The following ARRB1 variants were observed in gnomAD, a reference collection of about 807,000 sequenced individuals.
ARRB1 encodes the protein beta-arrestin-1.
A neutral mutation model predicts 56.8 loss-of-function variants in ARRB1; 21 were observed. That is an observed-to-expected ratio of 0.37 (90% confidence interval 0.26 to 0.53). The LOEUF (loss-of-function observed/expected upper bound fraction) is 0.53. Among genes scored for constraint, ARRB1 ranks in the 20% least tolerant of loss-of-function variants. ARRB1 has a pLI of 0.88. For missense variants in ARRB1, 424 were observed against 553.7 expected (o/e 0.77, Z 2.35); for synonymous variants, 210 against 218.6 (o/e 0.96, Z 0.35).
chr11:75,273,128 G>A, intron 11 of ARRB1, 150 bp from the exon 12 acceptor site: 1 of 665,098 alleles, frequency 1.5e-6, no homozygotes, highest in Non-Finnish European at 2.7e-6. Flanking sequence ...TGGAGATGAG[G>A]AAGGCGAGCA....
At chr11:75,324,495 G>C (rs1384207851) in intron 1 of ARRB1, among the ~76,000 whole-genome samples, 3 of 152,174 alleles carry the variant, frequency 2.0e-5, no homozygotes, top group African/African-American at 7.2e-5. Context: ...CTGGCACCGA[G>C]GAGGCACTAG....
chr11:75,280,152 T>G (rs1389597806), intron 7 of ARRB1, among the ~76,000 whole-genome samples: 1 of 152,196 alleles, frequency 6.6e-6, no homozygotes, highest in Non-Finnish European at 1.5e-5. Flanking sequence ...TGGCTCTCGA[T>G]GTCACCTCCT....
chr11:75,330,503 T>C (rs1947505306), intron 1 of ARRB1, among the ~76,000 whole-genome samples: 1 of 152,184 alleles, frequency 6.6e-6, no homozygotes, highest in Admixed American at 6.5e-5. Context: ...GGACAAGTTA[T>C]TTGCTTTGCT....
At chr11:75,340,499 T>G (rs1195148974) in intron 1 of ARRB1, among the ~76,000 whole-genome samples, 3 of 152,236 alleles carry the variant, frequency 2.0e-5, no homozygotes, top group Non-Finnish European at 4.4e-5. Context: ...TGTAACCAGC[T>G]GCCTTGGAGT....
At position 75,323,931 on chromosome 11, in the gene ARRB1, C is replaced by A. The variant is rs1054353248; in HGVS notation, c.20+27657G>T. 4.0e-5 allele frequency among the ~76,000 whole-genome samples: 6 copies of A among 151,894 alleles called. No homozygotes were observed. The East Asian group carries it at 7.7e-4, about 20-fold the overall frequency. ...ACATGAGGAACAATCATTAACGAATCGAGATACTACGAGTTAATAGCATAG... is the reference window on the plus strand; with the variant it reads ...ACATGAGGAACAATCATTAACGAATAGAGATACTACGAGTTAATAGCATAG... On this transcript the variant is annotated intron_variant, in intron 1 of 15. Coordinates refer to ENST00000420843, the MANE Select transcript of ARRB1 (RefSeq NM_004041.5).
intron 1 of ARRB1, among the ~76,000 whole-genome samples, chr11:75,330,119 C>T (rs1947497302): frequency 6.6e-6 from 1 of 152,214 alleles, no homozygotes; most frequent in African/African-American, 2.4e-5. Flanking sequence ...CATTTCCCAA[C>T]TTCTAGCCTC....
At chr11:75,285,704 T>C (rs1946454171) in intron 3 of ARRB1, among the ~76,000 whole-genome samples, 1 of 152,020 alleles carries the variant, frequency 6.6e-6, no homozygotes, top group Non-Finnish European at 1.5e-5. Context: ...ATACCAGGGC[T>C]CACAAGGGGC....
At chr11:75,328,946 C>T (rs893920272) in intron 1 of ARRB1, among the ~76,000 whole-genome samples, 14 of 152,148 alleles carry the variant, frequency 9.2e-5, no homozygotes, top group Admixed American at 2.6e-4. Context: ...CTGAGAGGGC[C>T]GTCAGAAAAC....
At chr11:75,274,418 C>A in intron 10 of ARRB1, 1 of 583,860 alleles carries the variant, frequency 1.7e-6, no homozygotes. Flanking sequence ...ACATTCTACG[C>A]ACAAACAGGA....
intron 1 of ARRB1, among the ~76,000 whole-genome samples, chr11:75,324,469 G>C (rs984686547): frequency 6.6e-6 from 1 of 152,178 alleles, no homozygotes; most frequent in African/African-American, 2.4e-5. Context: ...CATGTCCTCA[G>C]GGTTCAGAAC....
intron 1 of ARRB1, among the ~76,000 whole-genome samples, chr11:75,303,172 T>C (rs1468542022): frequency 2.0e-5 from 3 of 151,992 alleles, no homozygotes; most frequent in Non-Finnish European, 4.4e-5. Context: ...CGGCTAATTA[T>C]TGTGTTTTTA....
intron 3 of ARRB1, among the ~76,000 whole-genome samples, chr11:75,286,253 A>ATTTTTTTTTT (rs1312918523): frequency 1.1e-5 from 1 of 92,826 alleles, no homozygotes; most frequent in African/African-American, 4.5e-5. Context: ...TGATTTGCTC[A>ATTTTTTTTTT]TCTTTTTTTT....
chr11:75,284,231 C>G lies in ARRB1; in HGVS notation c.157+4G>C, dbSNP rs1946422206. The G allele has an allele frequency of 6.2e-7, 1 of 1,607,846 alleles. No individual in the cohort carries two copies. Among genetic ancestry groups the G allele is most frequent in the South Asian group, 1.1e-5 (1 of 90,384 alleles). On this transcript the variant is annotated splice_donor_region_variant and intron_variant, in intron 4 of 15. Coordinates refer to ENST00000420843, the MANE Select transcript of ARRB1 (RefSeq NM_004041.5). ...ACAGGCTGGGGATGGGGGCCACAGC[C>G]TACCTCTCCGCTCTTTGAGATACTC...
intron 1 of ARRB1, among the ~76,000 whole-genome samples, chr11:75,339,598 G>T (rs1047567648): frequency 6.6e-6 from 1 of 152,192 alleles, no homozygotes; most frequent in Non-Finnish European, 1.5e-5. Flanking sequence ...CAACCAGGTC[G>T]TGAGTCCCTA....
chr11:75,314,240 C>T (rs1442958511), intron 1 of ARRB1, among the ~76,000 whole-genome samples: 2 of 152,230 alleles, frequency 1.3e-5, no homozygotes, highest in African/African-American at 2.4e-5. Context: ...AGGGATAGGG[C>T]CAGGGGTCAG....
chr11:75,287,444 G>A, intron 2 of ARRB1, 69 bp from the exon 3 acceptor site: 4 of 1,492,844 alleles, frequency 2.7e-6, no homozygotes, highest in Admixed American at 4.0e-5. Flanking sequence ...TGTCTTGGAG[G>A]AAACCCTGCG....
intron 5 of ARRB1, 79 bp from the exon 6 acceptor site, chr11:75,282,100 C>T (rs1946356401): frequency 2.0e-6 from 3 of 1,497,820 alleles, no homozygotes; most frequent in East Asian, 2.3e-5. Context: ...CAGACACTCC[C>T]ATACACCCAT....
rs1166067886 is a variant in ARRB1, at chr11:75,351,645, G to A, written c.-38C>T. ...TCGCAGGGAGGTCCGCGGCGTCAGC[G>A]CCCAGGCTGGAAAATCCCCAGCCAG... On this transcript the variant is annotated 5_prime_UTR_variant, in exon 1 of 16. Transcript: ENST00000420843. 7.4e-7 allele frequency: 1 copy of A among 1,350,762 alleles called. No homozygotes were observed. 83.7% of individuals were successfully genotyped at this position (1,350,762 alleles called of 1,614,324 possible). A position where few individuals can be genotyped will look rare whatever the true frequency, so the allele number is the denominator to read the frequency against.
At chr11:75,290,144 T>A in intron 1 of ARRB1, 105 bp from the exon 2 acceptor site, 1 of 1,375,558 alleles carries the variant, frequency 7.3e-7, no homozygotes, top group Non-Finnish European at 1.0e-6. Context: ...CTGGAGTGAC[T>A]GACAGGCACC....
Sources: allele counts gnomAD v4.1 joint callset (sites outside exome capture counted in the v4.1 genomes callset), GRCh38; gene constraint gnomAD v4.1.1; transcripts MANE v1.5; gene names NCBI Gene and HGNC (gene_info 2026-07-23, HGNC 2026-07-21).